INTS9: variants seen among roughly 807,000 people sequenced by gnomAD.
INTS9 encodes the protein integrator complex subunit 9, also known as protein related to CPSF subunits of 74 kDa.
Under a neutral mutation model 79.7 loss-of-function variants are expected in INTS9, and 55 were observed. The observed-to-expected ratio is 0.69, with a 90% CI of 0.56 to 0.86. The LOEUF is 0.86. Ranked by LOEUF, INTS9 falls within the 40% of genes least tolerant of loss-of-function variation. The pLI is 0.00. For missense variants in INTS9, 721 were observed against 831.5 expected (o/e 0.87, Z 1.64); for synonymous variants, 319 against 325.2 (o/e 0.98, Z 0.20).
At chr8:28,837,879 T>C (rs1367737692) in intron 4 of INTS9, 103 bp from the exon 5 acceptor site, 5 of 1,142,106 alleles carry the variant, frequency 4.4e-6, no homozygotes, top group Non-Finnish European at 3.7e-6. Context: ...AGTTTTTGTA[T>C]TGCAGAATAA....
chr8:28,887,448 T>A (rs1401786045), intron 1 of INTS9, among the ~76,000 whole-genome samples: 1 of 152,176 alleles, frequency 6.6e-6, no homozygotes, highest in Non-Finnish European at 1.5e-5. Context: ...AAGCTGCATT[T>A]AGGAAGCAGA....
intron 6 of INTS9, among the ~76,000 whole-genome samples, chr8:28,831,349 G>T (rs1806477557): frequency 6.6e-6 from 1 of 152,152 alleles, no homozygotes; most frequent in South Asian, 2.1e-4. Context: ...AACAGCTAAT[G>T]CATATGGGGC....
At chr8:28,773,301 A>G (rs1052119170) in intron 14 of INTS9, among the ~76,000 whole-genome samples, 2 of 151,896 alleles carry the variant, frequency 1.3e-5, no homozygotes, top group East Asian at 3.9e-4. Context: ...GTCTCTACTA[A>G]AAATACAAAA....
chr8:28,777,789 G>C (rs1261733124), intron 13 of INTS9, 40 bp downstream of exon 13: 2 of 1,562,498 alleles, frequency 1.3e-6, no homozygotes, highest in Non-Finnish European at 1.7e-6. Context: ...ACACCAAGGT[G>C]ACATGACTAC....
intron 4 of INTS9, among the ~76,000 whole-genome samples, chr8:28,839,239 G>GGT (rs1807010126): frequency 3.3e-5 from 5 of 152,064 alleles, no homozygotes; most frequent in African/African-American, 1.2e-4. Context: ...ACAAGGGACA[G>GGT]GAAGGACCTC....
intron 1 of INTS9, among the ~76,000 whole-genome samples, chr8:28,860,562 C>A (rs1001550342): frequency 2.6e-5 from 4 of 151,842 alleles, no homozygotes; most frequent in Non-Finnish European, 5.9e-5. Flanking sequence ...CTGCAACCTC[C>A]GCCTCCCTGG....
intron 8 of INTS9, among the ~76,000 whole-genome samples, chr8:28,800,228 T>A (rs993134633): frequency 6.6e-6 from 1 of 152,132 alleles, no homozygotes; most frequent in Non-Finnish European, 1.5e-5. Context: ...AAAAAGAACA[T>A]GGTCTGGTAG....
At chr8:28,845,729 G>T (rs930337753) in intron 4 of INTS9, among the ~76,000 whole-genome samples, 1 of 152,186 alleles carries the variant, frequency 6.6e-6, no homozygotes, top group Non-Finnish European at 1.5e-5. Context: ...TTGGTTAACG[G>T]TGAGAGGGAG....
chr8:28,802,976 G>A (rs948043955), intron 8 of INTS9, among the ~76,000 whole-genome samples: 2 of 151,078 alleles, frequency 1.3e-5, no homozygotes, highest in African/African-American at 4.9e-5. Flanking sequence ...TTAGCCAGAT[G>A]TGCTGGTGCA....
rs759376376 is a variant in INTS9, at chr8:28,771,022, G to A, written c.1622C>T (p.Ser541Leu). The change falls in exon 15 of 17, where the codon TCG becomes TTG. Residue 541 changes from serine to leucine, a missense_variant. Ser to Leu is a moderately radical substitution (Grantham distance 145, BLOSUM62 -2). Transcript: ENST00000521022. Reference sequence around the variant, plus strand: ...GTTATCTTTGGTGTGCAGCACGGCCGAGACAGTTGCCAAGGAGATGCCAGG... The same window carrying A: ...GTTATCTTTGGTGTGCAGCACGGCCAAGACAGTTGCCAAGGAGATGCCAGG... Reference protein sequence around the residue: ...IKPGISLATVSAVLHTKDNKH... With the variant: ...IKPGISLATVLAVLHTKDNKH... The A allele has an allele frequency of 3.7e-6, 6 of 1,613,576 alleles. No individual in the cohort carries two copies. Among genetic ancestry groups the A allele is most frequent in the African/African-American group, 2.7e-5 (2 of 75,012 alleles).
Position 28,793,859 on chromosome 8 carries a change from T to A in INTS9, c.985A>T (p.Ile329Phe), listed in dbSNP as rs1212035450. 1 of 1,610,770 alleles carries A rather than the reference T, an allele frequency of 6.2e-7. No homozygotes were observed. Among genetic ancestry groups the A allele is most frequent in the Non-Finnish European group, 8.5e-7 (1 of 1,179,478 alleles). The change falls in exon 10 of 17, where the codon ATC becomes TTC. Residue 329 changes from isoleucine to phenylalanine, a missense_variant. By Grantham distance (21) the Ile-to-Phe change is conservative. This residue lies in a region of INTS9 where 149 missense variants were observed against 223.7 expected (regional missense o/e 0.67). Transcript: ENST00000521022. ...AGLSSVPLYF[I>F]SPVANSSLEF... ...AGTGAACTGTTGGCCACAGGGGAGA[T>A]GAAGTAGAGGGGGACGCTGGAAAGC...
chr8:28,814,286 A>T (rs537476667), intron 6 of INTS9, among the ~76,000 whole-genome samples: 272 of 7,844 alleles, frequency 0.035, 2 homozygotes, highest in African/African-American at 0.065. Flanking sequence ...AGGGCTTCTC[A>T]CACACACACA....
Position 28,801,759 on chromosome 8 carries a change from T to A in INTS9, c.745-5104A>T, listed in dbSNP as rs1434999727. Reference sequence around the variant, plus strand: ...TCCCAAGTAGCTGGGACCACAGGTGTGTGCCACCATGGCCAGCTAATTTTT... The same window carrying A: ...TCCCAAGTAGCTGGGACCACAGGTGAGTGCCACCATGGCCAGCTAATTTTT... On this transcript the variant is annotated intron_variant, in intron 8 of 16. Transcript: ENST00000521022. Among the ~76,000 whole-genome samples, 16 of 152,212 alleles carry A rather than the reference T, an allele frequency of 1.1e-4. No homozygotes were observed. In the East Asian group the frequency reaches 1.9e-3, roughly 18 times the overall value.
chr8:28,836,554 A>G (rs1806815888), intron 5 of INTS9, among the ~76,000 whole-genome samples: 1 of 152,224 alleles, frequency 6.6e-6, no homozygotes, highest in South Asian at 2.1e-4. Flanking sequence ...TTGGCCTAAT[A>G]CCATCTCCTC....
chr8:28,828,026 A>C (rs1806253996), intron 6 of INTS9, among the ~76,000 whole-genome samples: 1 of 152,200 alleles, frequency 6.6e-6, no homozygotes, highest in Non-Finnish European at 1.5e-5. Context: ...AAGTGACCAG[A>C]ATCGCAAAGC....
intron 4 of INTS9, among the ~76,000 whole-genome samples, chr8:28,842,911 G>T (rs1218328030): frequency 1.3e-5 from 2 of 152,182 alleles, no homozygotes; most frequent in African/African-American, 4.8e-5. Context: ...AGAGTACTGT[G>T]TGTGATGAGG....
chr8:28,885,592 A>G (rs990797136), intron 1 of INTS9, among the ~76,000 whole-genome samples: 5 of 152,260 alleles, frequency 3.3e-5, no homozygotes, highest in African/African-American at 1.2e-4. Context: ...TAGGAAGTAC[A>G]ACACACAGGC....
At chr8:28,782,857 C>T (rs1803364972) in intron 11 of INTS9, among the ~76,000 whole-genome samples, 1 of 152,092 alleles carries the variant, frequency 6.6e-6, no homozygotes, top group South Asian at 2.1e-4. Context: ...AACTGAGACC[C>T]TGTCACTAAA....
At chr8:28,865,188 G>A (rs1808671747) in intron 1 of INTS9, among the ~76,000 whole-genome samples, 3 of 151,708 alleles carry the variant, frequency 2.0e-5, no homozygotes, top group Non-Finnish European at 2.9e-5. Context: ...TGGGAACTGG[G>A]GACTGAGAGT....
Sources: allele counts gnomAD v4.1 joint callset (sites outside exome capture counted in the v4.1 genomes callset), GRCh38; gene constraint gnomAD v4.1.1; regional missense constraint gnomAD v4.1.1; transcripts MANE v1.5; gene names NCBI Gene and HGNC (gene_info 2026-07-23, HGNC 2026-07-21).